Variants in PPP6R3 observed in about 807,000 individuals in gnomAD.
PPP6R3 encodes the protein serine/threonine-protein phosphatase 6 regulatory subunit 3.
Under a neutral mutation model 110.7 loss-of-function variants are expected in PPP6R3, and 38 were observed. The observed-to-expected ratio is 0.34, with a 90% confidence interval of 0.26 to 0.45. The LOEUF is 0.45. Ranked by LOEUF, PPP6R3 falls within the 20% of genes least tolerant of loss-of-function variation. The pLI is 1.00. For missense variants in PPP6R3, 870 were observed against 1,062.4 expected (o/e 0.82, Z 2.52); for synonymous variants, 369 against 373.5 (o/e 0.99, Z 0.14).
rs184610179 is a variant in PPP6R3 at position 68,533,118 on chromosome 11, G to A, written c.-6-4541G>A. On this transcript the variant is annotated intron_variant, in intron 2 of 23. Coordinates refer to ENST00000393800, the MANE Select transcript of PPP6R3 (RefSeq NM_001164161.2). ...TTAAAGGACTCCATTTTACCTCAGG[G>A]CTCTGGCCAGTTGAACTTTGTAACT... is the stretch of plus-strand genomic sequence containing the variant. Among the ~76,000 whole-genome samples, 21 of 152,252 alleles carry A rather than the reference G, an allele frequency of 1.4e-4. No homozygotes were observed. The East Asian group carries it at 4.1e-3, about 29-fold the overall frequency.
chr11:68,608,142 T>C (rs1198476206), intron 22 of PPP6R3, among the ~76,000 whole-genome samples: 1 of 151,420 alleles, frequency 6.6e-6, no homozygotes, highest in Non-Finnish European at 1.5e-5. Flanking sequence ...CAGACAAAAT[T>C]AAGAGGCTGA....
At chr11:68,567,532 A>T (rs529061932) in intron 10 of PPP6R3, among the ~76,000 whole-genome samples, 1 of 152,214 alleles carries the variant, frequency 6.6e-6, no homozygotes, top group African/African-American at 2.4e-5. Context: ...AGGTATCTGT[A>T]TAACGTACCT....
At chr11:68,507,996 A>G (rs1488361373) in intron 1 of PPP6R3, among the ~76,000 whole-genome samples, 1 of 151,556 alleles carries the variant, frequency 6.6e-6, no homozygotes, top group African/African-American at 2.4e-5. Flanking sequence ...GCTTGAGCCT[A>G]AGTGTTTGAG....
At chr11:68,524,325 C>G (rs1406722242) in intron 2 of PPP6R3, among the ~76,000 whole-genome samples, 1 of 152,138 alleles carries the variant, frequency 6.6e-6, no homozygotes, top group Non-Finnish European at 1.5e-5. Flanking sequence ...TTACTTTATC[C>G]CTCCAGGTAG....
chr11:68,535,904 T>G (rs370742766), intron 2 of PPP6R3, among the ~76,000 whole-genome samples: 215 of 151,594 alleles, frequency 1.4e-3, no homozygotes, highest in African/African-American at 5.0e-3. Context: ...GAGGCAGAGG[T>G]TGCAGTGAGC....
At chr11:68,461,767 G>A (rs551545202) in intron 1 of PPP6R3, among the ~76,000 whole-genome samples, 1 of 152,214 alleles carries the variant, frequency 6.6e-6, no homozygotes, top group East Asian at 1.9e-4. Context: ...TGCTTGACAG[G>A]CGTTCCCTTT....
intron 1 of PPP6R3, among the ~76,000 whole-genome samples, chr11:68,463,235 G>A (rs761085955): frequency 1.2e-4 from 18 of 151,820 alleles, no homozygotes; most frequent in Non-Finnish European, 2.2e-4. Flanking sequence ...CGGTCATGGT[G>A]GCGTGTGACT....
chr11:68,585,437 C>T lies in PPP6R3; in HGVS notation c.1632+2308C>T, dbSNP rs1240959165. Among the ~76,000 whole-genome samples, 4 of 152,340 alleles carry T rather than the reference C, an allele frequency of 2.6e-5. No homozygotes were observed. In the South Asian group the frequency reaches 6.2e-4, roughly 24 times the overall value. On this transcript the variant is annotated intron_variant, in intron 15 of 23. Transcript: ENST00000393800. ...AGATTTGCTTAAAGTGGTTGGCTCA[C>T]TTCTCAGTGACTTGAACAGTTTCTG...
chr11:68,614,161 G>A lies in PPP6R3; in HGVS notation c.*1044G>A, dbSNP rs1468613072. The A allele has an allele frequency of 1.4e-5, 14 of 986,110 alleles. No homozygotes were observed. Among genetic ancestry groups the A allele is most frequent in the Non-Finnish European group, 1.7e-5 (14 of 830,138 alleles). 61.1% of individuals were successfully genotyped at this position (986,110 alleles called of 1,614,324 possible). A position where few individuals can be genotyped will look rare whatever the true frequency, so the allele number is the denominator to read the frequency against. Reference sequence around the variant, plus strand: ...AAAGTAGAAATCAAAATCTGGCACCGAAGCATGCTAATTGTTTACTGTACC... The same window carrying A: ...AAAGTAGAAATCAAAATCTGGCACCAAAGCATGCTAATTGTTTACTGTACC... On this transcript the variant is annotated 3_prime_UTR_variant, in exon 24 of 24. Transcript: ENST00000393800.
chr11:68,550,672 CAT>C (rs2099367309), intron 5 of PPP6R3, among the ~76,000 whole-genome samples: 2 of 152,188 alleles, frequency 1.3e-5, no homozygotes, highest in Non-Finnish European at 2.9e-5. Flanking sequence ...CCCATTTGTT[CAT>C]CCTGTGTTTT....
intron 1 of PPP6R3, among the ~76,000 whole-genome samples, chr11:68,487,030 C>T (rs1458423859): frequency 6.6e-6 from 1 of 152,006 alleles, no homozygotes; most frequent in Admixed American, 6.6e-5. Context: ...TCCTGAAAAC[C>T]ACCTTTTGTC....
intron 1 of PPP6R3, among the ~76,000 whole-genome samples, chr11:68,476,282 G>A (rs905632454): frequency 7.9e-5 from 12 of 152,178 alleles, no homozygotes; most frequent in African/African-American, 1.9e-4. Flanking sequence ...CCAACACAGC[G>A]AAACCCCGTC....
intron 1 of PPP6R3, among the ~76,000 whole-genome samples, chr11:68,475,083 C>G (rs1476330911): frequency 2.0e-5 from 3 of 151,944 alleles, no homozygotes; most frequent in African/African-American, 7.3e-5. Flanking sequence ...TGTTTGTGTC[C>G]CTGGGTACTT....
At chr11:68,580,818 C>A (rs2099551296) in intron 14 of PPP6R3, among the ~76,000 whole-genome samples, 1 of 125,608 alleles carries the variant, frequency 8.0e-6, no homozygotes, top group Non-Finnish European at 1.6e-5. Context: ...GTCACCCAGG[C>A]TGGAGTGCAG....
intron 1 of PPP6R3, chr11:68,505,251 T>C (rs912771279): frequency 6.6e-6 from 1 of 152,198 alleles, no homozygotes; most frequent in South Asian, 2.1e-4. Context: ...CAGTTTGAGG[T>C]ACCTCCCATA....
At chr11:68,566,570 A>G (rs2099471922) in intron 9 of PPP6R3, among the ~76,000 whole-genome samples, 1 of 152,074 alleles carries the variant, frequency 6.6e-6, no homozygotes, top group African/African-American at 2.4e-5. Context: ...CATATTGCCC[A>G]GGCTGGTCTC....
At chr11:68,480,384 C>G (rs2098897611) in intron 1 of PPP6R3, among the ~76,000 whole-genome samples, 1 of 152,202 alleles carries the variant, frequency 6.6e-6, no homozygotes, top group African/African-American at 2.4e-5. Context: ...ATTTATTGAG[C>G]TCTTCTGTAC....
At position 68,613,623 on chromosome 11, in the gene PPP6R3, G is replaced by A; in HGVS notation, c.*506G>A. The A allele has an allele frequency of 1.0e-6, 1 of 985,770 alleles. No individual in the cohort carries two copies. Among genetic ancestry groups the A allele is most frequent in the Non-Finnish European group, 1.2e-6 (1 of 829,958 alleles). The allele number at this position is 985,770 out of a possible 1,614,324, so 61.1% of individuals were successfully genotyped here. ...ATGCCCTCTAAGTGTTATTTTGGTT[G>A]TTCTAACTTACAAAAGTGATTTTGA... On this transcript the variant is annotated 3_prime_UTR_variant, in exon 24 of 24. Coordinates refer to ENST00000393800, the MANE Select transcript of PPP6R3 (RefSeq NM_001164161.2).
intron 1 of PPP6R3, among the ~76,000 whole-genome samples, chr11:68,502,022 T>G (rs1460313337): frequency 6.6e-6 from 1 of 152,146 alleles, no homozygotes; most frequent in African/African-American, 2.4e-5. Context: ...AAGTCGCAGT[T>G]TGAAAAAACG....
Sources: allele counts gnomAD v4.1 joint callset (sites outside exome capture counted in the v4.1 genomes callset), GRCh38; gene constraint gnomAD v4.1.1; transcripts MANE v1.5; gene names NCBI Gene and HGNC (gene_info 2026-07-23, HGNC 2026-07-21).